The following ZFAND4 variants were observed in gnomAD, a reference collection of about 807,000 sequenced individuals.
ZFAND4 encodes AN1-type zinc finger protein 4.
A neutral mutation model predicts 64.4 loss-of-function variants in ZFAND4; 43 were observed. That is an observed-to-expected ratio of 0.67 (90% CI 0.52 to 0.86). The LOEUF is 0.86. Among genes scored for constraint, ZFAND4 ranks in the 40% least tolerant of loss-of-function variants. The pLI, the probability that ZFAND4 is intolerant of heterozygous loss-of-function variation, is 0.00. For synonymous variants in ZFAND4, 296 were observed against 305.7 expected (o/e 0.97, Z 0.33); for missense variants, 929 against 859.8 (o/e 1.08, Z -1.01).
chr10:45,628,377 G>A (rs937025247), intron 6 of ZFAND4, among the ~76,000 whole-genome samples: 2 of 152,146 alleles, frequency 1.3e-5, no homozygotes, highest in African/African-American at 4.8e-5. Flanking sequence ...GAGTGCAATG[G>A]CACAATCTCA....
chr10:45,647,080 G>C (rs1564605902), intron 5 of ZFAND4, among the ~76,000 whole-genome samples: 1 of 152,168 alleles, frequency 6.6e-6, no homozygotes, highest in Non-Finnish European at 1.5e-5. Context: ...TCCTACCCTT[G>C]AGTGTGGGCA....
At chr10:45,656,519 A>G (rs913882268) in intron 2 of ZFAND4, among the ~76,000 whole-genome samples, 19 of 150,170 alleles carry the variant, frequency 1.3e-4, no homozygotes, top group African/African-American at 4.1e-4. Context: ...AAAAAAAAAA[A>G]AAAAAAGAAA....
chr10:45,625,473 CAAAA>C (rs1195950172), intron 7 of ZFAND4, among the ~76,000 whole-genome samples: 5 of 53,082 alleles, frequency 9.4e-5, no homozygotes, highest in Non-Finnish European at 1.5e-4. Flanking sequence ...GACTCCGTCT[CAAAA>C]AAAAAAAAAA....
chr10:45,669,168 A>C lies in ZFAND4; in HGVS notation c.-118+3082T>G, dbSNP rs568684085. Among the ~76,000 whole-genome samples the C allele has an allele frequency of 6.2e-4, 95 of 152,276 alleles. 1 individual carries two copies. The highest frequency in any genetic ancestry group is 2.2e-3 in the African/African-American group (93 of 41,572). ...GATTGTTAGTAAGACTAAAGAATCA[A>C]ATAGATGCAATAAAAAAAGATAAAG... is the stretch of plus-strand genomic sequence containing the variant. On this transcript the variant is annotated intron_variant, in intron 1 of 9. Coordinates refer to ENST00000344646, the MANE Select transcript of ZFAND4 (RefSeq NM_174890.4).
At chr10:45,620,210 G>A (rs969449253) in intron 8 of ZFAND4, among the ~76,000 whole-genome samples, 2 of 152,024 alleles carry the variant, frequency 1.3e-5, no homozygotes, top group Non-Finnish European at 2.9e-5. Context: ...GAGGCTGGGC[G>A]CGGTGGCTCA....
intron 6 of ZFAND4, among the ~76,000 whole-genome samples, chr10:45,632,268 G>A (rs1437778662): frequency 6.6e-6 from 1 of 152,206 alleles, no homozygotes; most frequent in Non-Finnish European, 1.5e-5. Context: ...TGAGGCAGGA[G>A]AATTGCTTGA....
At chr10:45,619,027 T>C (rs1219559016) in intron 8 of ZFAND4, among the ~76,000 whole-genome samples, 1 of 151,950 alleles carries the variant, frequency 6.6e-6, no homozygotes, top group Non-Finnish European at 1.5e-5. Context: ...TGTTATTATA[T>C]AAGAAAGAAT....
chr10:45,654,206 G>A (rs1031845145), intron 2 of ZFAND4, among the ~76,000 whole-genome samples: 3 of 152,098 alleles, frequency 2.0e-5, no homozygotes, highest in African/African-American at 7.2e-5. Context: ...ACTACCTATC[G>A]AGTACTATGC....
chr10:45,665,987 G>A (rs565256982), intron 1 of ZFAND4, among the ~76,000 whole-genome samples: 66 of 150,492 alleles, frequency 4.4e-4, no homozygotes, highest in Non-Finnish European at 5.5e-4. Flanking sequence ...CATTTGAGTC[G>A]TTTCCAATTT....
intron 1 of ZFAND4, among the ~76,000 whole-genome samples, chr10:45,665,210 A>C (rs959947245): frequency 3.9e-5 from 6 of 152,166 alleles, no homozygotes; most frequent in Admixed American, 3.9e-4. Flanking sequence ...AATGATACAC[A>C]TCTTTCTGGT....
chr10:45,640,186 T>G (rs1165839451), intron 5 of ZFAND4: 3 of 1,251,194 alleles, frequency 2.4e-6, no homozygotes, highest in South Asian at 1.8e-5. Context: ...AAATCTAGTA[T>G]AGCTGAGCTT....
rs1183075254 is a variant in ZFAND4, at chr10:45,656,499, C to T, written c.185-3440G>A. On this transcript the variant is annotated intron_variant, in intron 2 of 9. Coordinates refer to ENST00000344646, the MANE Select transcript of ZFAND4 (RefSeq NM_174890.4). ...GCTGGGTAACAAAGTGAGAACCTGT[C>T]TCAAAAAAAAAAAAAAAAAAAAAAA... is the stretch of plus-strand genomic sequence containing the variant. Among the ~76,000 whole-genome samples the T allele has an allele frequency of 1.2e-4, 5 of 43,168 alleles. No homozygotes were observed. In the East Asian group the frequency reaches 2.7e-3, roughly 23 times the overall value. 28.3% of individuals were successfully genotyped at this position (43,168 alleles called of 152,430 possible). A position where few individuals can be genotyped will look rare whatever the true frequency, so the allele number is the denominator to read the frequency against.
intron 2 of ZFAND4, among the ~76,000 whole-genome samples, chr10:45,660,175 A>G (rs535543486): frequency 1.6e-3 from 246 of 151,740 alleles, no homozygotes; most frequent in African/African-American, 5.3e-3. Flanking sequence ...AAAAAAAAAA[A>G]AAAGAAAAAT....
chr10:45,639,678 G>A, intron 6 of ZFAND4, 138 bp downstream of exon 6: 1 of 1,098,098 alleles, frequency 9.1e-7, no homozygotes, highest in Non-Finnish European at 1.2e-6. Flanking sequence ...CCTTTTAGAA[G>A]TTTAATAAAT....
intron 1 of ZFAND4, among the ~76,000 whole-genome samples, chr10:45,670,402 C>A (rs1191463779): frequency 6.6e-6 from 1 of 151,884 alleles, no homozygotes; most frequent in Admixed American, 6.6e-5. Context: ...AATTTTTTTG[C>A]ATTTTTAGTA....
At chr10:45,638,051 G>A (rs1378798119) in intron 6 of ZFAND4, among the ~76,000 whole-genome samples, 1 of 152,066 alleles carries the variant, frequency 6.6e-6, no homozygotes, top group East Asian at 1.9e-4. Context: ...TTCCTCATTA[G>A]AGAAATATAA....
intron 6 of ZFAND4, among the ~76,000 whole-genome samples, chr10:45,629,842 G>A (rs1049523874): frequency 2.0e-5 from 3 of 152,044 alleles, no homozygotes; most frequent in African/African-American, 7.2e-5. Flanking sequence ...CAGCCTGGAT[G>A]ATAGAGCAAG....
chr10:45,635,215 A>AC (rs2046499313), intron 6 of ZFAND4, among the ~76,000 whole-genome samples: 1 of 130,428 alleles, frequency 7.7e-6, no homozygotes, highest in African/African-American at 3.2e-5. Context: ...AAAAAAAAAC[A>AC]AAAAAAAAAC....
chr10:45,621,057 C>T (rs929054841), intron 8 of ZFAND4: 1 of 152,202 alleles, frequency 6.6e-6, no homozygotes, highest in Non-Finnish European at 1.5e-5. Flanking sequence ...TAACATCTAA[C>T]AGGATCTACA....
Sources: allele counts gnomAD v4.1 joint callset (sites outside exome capture counted in the v4.1 genomes callset), GRCh38; gene constraint gnomAD v4.1.1; transcripts MANE v1.5; gene names NCBI Gene and HGNC (gene_info 2026-07-23, HGNC 2026-07-21).